The following DYRK1A variants were observed in gnomAD, a reference collection of about 807,000 sequenced individuals.
DYRK1A encodes dual specificity tyrosine phosphorylation regulated kinase 1A, also known as dual specificity tyrosine-phosphorylation-regulated kinase 1A.
DYRK1A carries 9 observed loss-of-function variants against 79.7 expected under a neutral mutation model. The ratio of observed to expected loss-of-function variants is 0.11; its 90% CI spans 0.07 to 0.20. The LOEUF (loss-of-function observed/expected upper bound fraction) is 0.20. Among genes scored for constraint, DYRK1A ranks in the 10% least tolerant of loss-of-function variants. DYRK1A has a pLI of 1.00. For missense variants in DYRK1A, 622 were observed against 956.0 expected, an observed-to-expected ratio of 0.65 and a Z score of 4.61; for synonymous variants, 349 against 329.7, an observed-to-expected ratio of 1.06 and a Z score of -0.63.
intron 9 of DYRK1A, chr21:37,503,408 A>C (rs2053508677): frequency 1.3e-5 from 2 of 152,124 alleles, no homozygotes; most frequent in Non-Finnish European, 2.9e-5. Flanking sequence ...TGAATCCATT[A>C]AATGGATTCA....
rs1285819611 is a variant in DYRK1A at position 37,518,139 on chromosome 21, CAAACAT to C, written c.*5612_*5617del. On this transcript the variant is annotated 3_prime_UTR_variant, in exon 12 of 12. Transcript: ENST00000647188. ...AAGTGATCCTCCAGCCTGGGCCTCT[CAAACAT>C]AAATAGGCTGGGCGTGGTGGCTCAC... 1 of 152,218 alleles carries C rather than the reference CAAACAT, an allele frequency of 6.6e-6. No individual in the cohort carries two copies. Among genetic ancestry groups the C allele is most frequent in the Non-Finnish European group, 1.5e-5 (1 of 68,066 alleles). 9.4% of individuals were successfully genotyped at this position (152,218 alleles called of 1,614,324 possible). A position where few individuals can be genotyped will look rare whatever the true frequency, so the allele number is the denominator to read the frequency against.
chr21:37,517,288 C>T lies in DYRK1A; in HGVS notation c.*4757C>T, dbSNP rs973226334. On this transcript the variant is annotated 3_prime_UTR_variant, in exon 12 of 12. Transcript: ENST00000647188. ...AAACAAGTGGACAAGACAAGTGGAG[C>T]CCAGCTCTGTTCGCATGGGAGGCCG... 6.6e-6 allele frequency: 1 copy of T among 152,288 alleles called. No individual in the cohort carries two copies. Among genetic ancestry groups the T allele is most frequent in the South Asian group, 2.1e-4 (1 of 4,822 alleles). 9.4% of individuals were successfully genotyped at this position (152,288 alleles called of 1,614,324 possible). A position where few individuals can be genotyped will look rare whatever the true frequency, so the allele number is the denominator to read the frequency against.
chr21:37,439,126 T>A (rs959441325), intron 2 of DYRK1A, among the ~76,000 whole-genome samples: 15 of 152,230 alleles, frequency 9.9e-5, no homozygotes. Flanking sequence ...ATACAATTGA[T>A]ATAAATATAT....
intron 2 of DYRK1A, among the ~76,000 whole-genome samples, chr21:37,446,701 G>C (rs1236021191): frequency 1.3e-5 from 2 of 152,048 alleles, no homozygotes; most frequent in East Asian, 3.9e-4. Context: ...TACAGTAATG[G>C]CAGATGAGCC....
rs1013395331 is a variant in DYRK1A at position 37,517,120 on chromosome 21, C to T, written c.*4589C>T. On this transcript the variant is annotated 3_prime_UTR_variant, in exon 12 of 12. Transcript: ENST00000647188. ...CAAGTCTTAAACCGGCTTCCCTTCG[C>T]TTTTACCAGGTAGCCTGGTTCAGTC... The T allele has an allele frequency of 2.6e-5, 4 of 152,238 alleles. No homozygotes were observed. The highest frequency in any genetic ancestry group is 9.6e-5 in the African/African-American group (4 of 41,452). The allele number at this position is 152,238 out of a possible 1,614,324, so 9.4% of individuals were successfully genotyped here.
At chr21:37,488,818 T>A in intron 6 of DYRK1A, 2 of 985,382 alleles carry the variant, frequency 2.0e-6, no homozygotes, top group Non-Finnish European at 2.4e-6. Flanking sequence ...TAGTGGCACC[T>A]GCTTAACCAG....
At chr21:37,506,985 C>T (rs1392504784) in intron 11 of DYRK1A, among the ~76,000 whole-genome samples, 1 of 152,236 alleles carries the variant, frequency 6.6e-6, no homozygotes, top group Non-Finnish European at 1.5e-5. Context: ...CTCTGCTGGG[C>T]AGTCTTACAT....
chr21:37,472,611 C>A, intron 2 of DYRK1A, 73 bp from the exon 3 acceptor site: 2 of 1,268,474 alleles, frequency 1.6e-6, no homozygotes, highest in African/African-American at 1.5e-5. Context: ...ATTTAAGGAA[C>A]CATTAGATAT....
chr21:37,493,106 C>A lies in DYRK1A; in HGVS notation c.1014C>A (p.Leu338=), dbSNP rs143646885. ...ACCTTGCCATTGATATGTGGTCCCT[C>A]GGGTGTATTTTGGTTGAAATGCACA... is the stretch of plus-strand genomic sequence containing the variant. ...PYDLAIDMWS[L]GCILVEMHTG... Residue 338 remains leucine (L), a synonymous_variant, in exon 8 of 12, where the codon CTC becomes CTA. Transcript: ENST00000647188. 1 of 1,613,602 alleles carries A rather than the reference C, an allele frequency of 6.2e-7. No individual in the cohort carries two copies. The highest frequency in any genetic ancestry group is 1.1e-5 in the South Asian group (1 of 91,052).
chr21:37,460,193 C>G (rs2051792916), intron 2 of DYRK1A, among the ~76,000 whole-genome samples: 1 of 151,872 alleles, frequency 6.6e-6, no homozygotes, highest in African/African-American at 2.4e-5. Context: ...CAGTTAATAC[C>G]TAAAATTCGG....
At chr21:37,412,467 T>G (rs1356833184) in intron 1 of DYRK1A, among the ~76,000 whole-genome samples, 1 of 152,156 alleles carries the variant, frequency 6.6e-6, no homozygotes, top group Non-Finnish European at 1.5e-5. Context: ...TATTCTTAGG[T>G]CCTTGTCCAG....
At chr21:37,392,850 G>A (rs2049896612) in intron 1 of DYRK1A, among the ~76,000 whole-genome samples, 2 of 152,340 alleles carry the variant, frequency 1.3e-5, no homozygotes, top group East Asian at 1.9e-4. Context: ...TTGATGTCTC[G>A]TGAGGATCCA....
intron 1 of DYRK1A, among the ~76,000 whole-genome samples, chr21:37,412,106 G>T (rs2050256417): frequency 6.6e-6 from 1 of 152,134 alleles, no homozygotes. Flanking sequence ...AAGAGGAGAG[G>T]CTGGAGTGAC....
intron 6 of DYRK1A, 85 bp downstream of exon 6, chr21:37,486,699 A>G: frequency 7.8e-7 from 1 of 1,287,404 alleles, no homozygotes; most frequent in Non-Finnish European, 1.0e-6. Context: ...AAATATTTTG[A>G]TTTTATTTTA....
chr21:37,480,793 T>A lies in DYRK1A; in HGVS notation c.456T>A (p.Ile152=). Residue 152 remains isoleucine, a synonymous_variant, in exon 5 of 12, where the codon ATT becomes ATA. Coordinates refer to ENST00000647188, the MANE Select transcript of DYRK1A (RefSeq NM_001347721.2). The stretch of plus-strand genomic sequence containing the variant: ...AAAAGTGGATGGATCGTTACGAAAT[T>A]GACTCCTTGATAGGCAAAGGTTCCT... ...NGEKWMDRYE[I]DSLIGKGSFG... The A allele has an allele frequency of 6.2e-7, 1 of 1,607,880 alleles. No homozygotes were observed. Among genetic ancestry groups the A allele is most frequent in the Non-Finnish European group, 8.5e-7 (1 of 1,177,782 alleles).
At chr21:37,450,898 A>G (rs2051425101) in intron 2 of DYRK1A, among the ~76,000 whole-genome samples, 1 of 142,112 alleles carries the variant, frequency 7.0e-6, no homozygotes, top group African/African-American at 2.8e-5. Flanking sequence ...GAATACAGTC[A>G]TGCACCAAAT....
intron 1 of DYRK1A, among the ~76,000 whole-genome samples, chr21:37,391,421 G>T (rs117198731): frequency 6.6e-6 from 1 of 152,148 alleles, no homozygotes; most frequent in Non-Finnish European, 1.5e-5. Flanking sequence ...GTCCATCACT[G>T]TCTTGTATCT....
Position 37,425,608 on chromosome 21 carries a change from T to C in DYRK1A, c.10+5224T>C, listed in dbSNP as rs146733634. 6 of 152,338 alleles carry C rather than the reference T, an allele frequency of 3.9e-5. No individual in the cohort carries two copies. In the South Asian group the frequency reaches 8.3e-4, roughly 21 times the overall value. 9.4% of individuals were successfully genotyped at this position (152,338 alleles called of 1,614,324 possible). On this transcript the variant is annotated intron_variant, in intron 2 of 11. Transcript: ENST00000647188. ...TGATTTTGGATTTTAGGTATACTTA[T>C]TAAGTGTACCTTGAAAGAATGTCTA...
rs367989049 is a variant in DYRK1A at position 37,497,498 on chromosome 21, T to C, written c.1212+1240T>C. 1.5e-4 allele frequency among the ~76,000 whole-genome samples: 23 copies of C among 152,330 alleles called. No individual in the cohort carries two copies. In the South Asian group the frequency reaches 4.4e-3, roughly 29 times the overall value. On this transcript the variant is annotated intron_variant, in intron 9 of 11. Coordinates refer to ENST00000647188, the MANE Select transcript of DYRK1A (RefSeq NM_001347721.2). ...TTTCCATGTAACCAAAAACTTAGTC[T>C]GGGAATCCTTACTAGCTTCACCAGC...
Sources: allele counts gnomAD v4.1 joint callset (sites outside exome capture counted in the v4.1 genomes callset), GRCh38; gene constraint gnomAD v4.1.1; transcripts MANE v1.5; gene names NCBI Gene and HGNC (gene_info 2026-07-23, HGNC 2026-07-21).